KCNJ3: variants seen among roughly 807,000 people sequenced by gnomAD.
The protein encoded by KCNJ3 is potassium inwardly rectifying channel subfamily J member 3.
A neutral mutation model predicts 39.2 loss-of-function variants in KCNJ3; 4 were observed. The observed-to-expected ratio is 0.10, with a 90% confidence interval of 0.05 to 0.23. The LOEUF is 0.23. KCNJ3 is among the 10% of genes least tolerant of loss of function. The pLI is 1.00. For synonymous variants in KCNJ3, 230 were observed against 237.4 expected (o/e 0.97, Z 0.29); for missense variants, 276 against 634.9 (o/e 0.43, Z 6.08).
At chr2:154,713,919 C>T (rs758690461) in intron 2 of KCNJ3, among the ~76,000 whole-genome samples, 1 of 152,210 alleles carries the variant, frequency 6.6e-6, no homozygotes, top group African/African-American at 2.4e-5. Flanking sequence ...GACCTTTTCT[C>T]TCTTTCTACA....
At chr2:154,766,377 G>T (rs1325893468) in intron 2 of KCNJ3, among the ~76,000 whole-genome samples, 1 of 152,024 alleles carries the variant, frequency 6.6e-6, no homozygotes, top group African/African-American at 2.4e-5. Context: ...AGAATATATG[G>T]CAAGAAACTT....
intron 2 of KCNJ3, among the ~76,000 whole-genome samples, chr2:154,835,668 G>A (rs937548633): frequency 4.0e-5 from 6 of 151,866 alleles, no homozygotes; most frequent in African/African-American, 1.4e-4. Flanking sequence ...ATCCCAGGTG[G>A]CTTAATTTAC....
At chr2:154,772,896 T>C (rs1686266991) in intron 2 of KCNJ3, among the ~76,000 whole-genome samples, 1 of 152,074 alleles carries the variant, frequency 6.6e-6, no homozygotes, top group Non-Finnish European at 1.5e-5. Flanking sequence ...GTGATGATTT[T>C]TTTCCCAAAG....
At chr2:154,817,222 C>A (rs1687098666) in intron 2 of KCNJ3, among the ~76,000 whole-genome samples, 1 of 152,188 alleles carries the variant, frequency 6.6e-6, no homozygotes, top group Non-Finnish European at 1.5e-5. Context: ...CAGCCTTAAT[C>A]ATGATAAGCA....
intron 2 of KCNJ3, among the ~76,000 whole-genome samples, chr2:154,757,273 G>A (rs1685957939): frequency 6.6e-6 from 1 of 152,116 alleles, no homozygotes; most frequent in Non-Finnish European, 1.5e-5. Context: ...AAAGCTGCTG[G>A]TTTTCTATCT....
intron 2 of KCNJ3, among the ~76,000 whole-genome samples, chr2:154,814,812 G>A (rs1687056679): frequency 1.3e-5 from 2 of 152,082 alleles, no homozygotes; most frequent in African/African-American, 4.8e-5. Context: ...TGTAATCAAT[G>A]ACTTTATATG....
At chr2:154,846,754 G>T (rs2971906) in intron 2 of KCNJ3, among the ~76,000 whole-genome samples, 17,272 of 151,062 alleles carry the variant, frequency 0.11, 1,409 homozygotes, top group African/African-American at 0.23. Context: ...CTAACATTGT[G>T]TTCTGTTGGT....
chr2:154,830,135 TTCC>T (rs1439345932), intron 2 of KCNJ3, among the ~76,000 whole-genome samples: 1 of 152,172 alleles, frequency 6.6e-6, no homozygotes, highest in Non-Finnish European at 1.5e-5. Flanking sequence ...ATACAGGAAA[TTCC>T]TCCTCTGTAC....
intron 2 of KCNJ3, among the ~76,000 whole-genome samples, chr2:154,719,981 TG>T (rs2105159140): frequency 6.6e-6 from 1 of 152,204 alleles, no homozygotes; most frequent in Admixed American, 6.5e-5. Flanking sequence ...TAAGATTATT[TG>T]ACCTGCTGGA....
In KCNJ3 at chr2:154,855,325, CT is replaced by C; in HGVS notation, c.*14del. ...ATCGCTTCACATAACAAAGCACTCCCTTAGGCATTATTTAATGTTTGATTTA... is the reference window on the plus strand; with the variant it reads ...ATCGCTTCACATAACAAAGCACTCCCTAGGCATTATTTAATGTTTGATTTA... On this transcript the variant is annotated 3_prime_UTR_variant, in exon 3 of 3. Transcript: ENST00000295101. The C allele has an allele frequency of 6.6e-7, 1 of 1,522,148 alleles. No individual in the cohort carries two copies. The allele number at this position is 1,522,148 out of a possible 1,614,324, so 94.3% of individuals were successfully genotyped here.
intron 2 of KCNJ3, among the ~76,000 whole-genome samples, chr2:154,845,284 G>A (rs1687646472): frequency 6.6e-6 from 1 of 151,838 alleles, no homozygotes; most frequent in African/African-American, 2.4e-5. Context: ...ACGCCCAGCT[G>A]ATTTTTGTAT....
At chr2:154,804,164 G>A (rs1342828350) in intron 2 of KCNJ3, among the ~76,000 whole-genome samples, 2 of 152,050 alleles carry the variant, frequency 1.3e-5, no homozygotes, top group Non-Finnish European at 2.9e-5. Context: ...GTTTCAACGA[G>A]TAGTCTTCAG....
At chr2:154,763,406 T>G (rs1686078950) in intron 2 of KCNJ3, among the ~76,000 whole-genome samples, 1 of 148,772 alleles carries the variant, frequency 6.7e-6, no homozygotes, top group African/African-American at 2.4e-5. Context: ...TGAATGCTTA[T>G]TCTTTTCAGC....
At chr2:154,810,073 TTC>T (rs1188526651) in intron 2 of KCNJ3, among the ~76,000 whole-genome samples, 24 of 150,022 alleles carry the variant, frequency 1.6e-4, no homozygotes, top group Admixed American at 2.0e-4. Flanking sequence ...CTCTCTCTCT[TTC>T]TCTCTCTCTC....
intron 2 of KCNJ3, among the ~76,000 whole-genome samples, chr2:154,738,683 C>T (rs375685974): frequency 2.0e-5 from 3 of 151,828 alleles, no homozygotes; most frequent in East Asian, 1.9e-4. Context: ...TCCGATTATC[C>T]TCAAAATGAA....
At chr2:154,738,515 C>T (rs990608365) in intron 2 of KCNJ3, among the ~76,000 whole-genome samples, 4 of 151,962 alleles carry the variant, frequency 2.6e-5, no homozygotes, top group African/African-American at 9.7e-5. Context: ...TATATCAAAA[C>T]ATCTCATGTA....
chr2:154,706,331 T>C (rs1685009181), intron 1 of KCNJ3, among the ~76,000 whole-genome samples: 1 of 152,148 alleles, frequency 6.6e-6, no homozygotes, highest in South Asian at 2.1e-4. Context: ...TATATCATAA[T>C]GCTTAACATG....
intron 2 of KCNJ3, among the ~76,000 whole-genome samples, chr2:154,711,758 T>G (rs1415686385): frequency 6.6e-6 from 1 of 152,192 alleles, no homozygotes; most frequent in Non-Finnish European, 1.5e-5. Context: ...GCAGGTTGTT[T>G]GTAAATTTTA....
intron 1 of KCNJ3, among the ~76,000 whole-genome samples, chr2:154,707,212 G>A (rs183093657): frequency 6.6e-6 from 1 of 151,748 alleles, no homozygotes; most frequent in Non-Finnish European, 1.5e-5. Context: ...ATAATAGGAA[G>A]ACCTGGATAG....
Sources: allele counts gnomAD v4.1 joint callset (sites outside exome capture counted in the v4.1 genomes callset), GRCh38; gene constraint gnomAD v4.1.1; transcripts MANE v1.5; gene names NCBI Gene and HGNC (gene_info 2026-07-23, HGNC 2026-07-21).